The following GRM8 variants were observed in gnomAD, a reference collection of about 807,000 sequenced individuals.
The protein encoded by GRM8 is glutamate metabotropic receptor 8.
In GRM8, 47 loss-of-function variants were observed where a neutral mutation model predicts 87.2. The observed-to-expected ratio is 0.54, with a 90% confidence interval of 0.43 to 0.69. The LOEUF is 0.69. GRM8 is among the 30% of genes least tolerant of loss of function. The probability of loss-of-function intolerance (pLI) is 0.00; values close to 1 mark genes in which losing one functional copy is unlikely to be tolerated. For synonymous variants in GRM8, 396 were observed against 404.5 expected, an observed-to-expected ratio of 0.98 and a Z score of 0.25; for missense variants, 1,019 against 1,139.2, an observed-to-expected ratio of 0.89 and a Z score of 1.52.
Position 126,438,996 on chromosome 7 carries a change from AGACT to A in GRM8, c.*119_*122del. The A allele has an allele frequency of 2.7e-6, 2 of 734,028 alleles. No homozygotes were observed. The highest frequency in any genetic ancestry group is 5.0e-6 in the Non-Finnish European group (2 of 403,372). 45.5% of individuals were successfully genotyped at this position (734,028 alleles called of 1,614,324 possible). A position where few individuals can be genotyped will look rare whatever the true frequency, so the allele number is the denominator to read the frequency against. ...TCATGGCTAATTTTTGTTCCTTACAAGACTGACTATTGATTTGATTGATTGTAGT... is the reference window on the plus strand; with the variant it reads ...TCATGGCTAATTTTTGTTCCTTACAAGACTATTGATTTGATTGATTGTAGT... On this transcript the variant is annotated 3_prime_UTR_variant, in exon 11 of 11. Coordinates refer to ENST00000339582, the MANE Select transcript of GRM8 (RefSeq NM_000845.3).
At chr7:126,923,141 A>T (rs1260528498) in intron 3 of GRM8, among the ~76,000 whole-genome samples, 3 of 152,186 alleles carry the variant, frequency 2.0e-5, no homozygotes, top group African/African-American at 7.2e-5. Flanking sequence ...TCTCTTTAAA[A>T]CATTTCTCCA....
At chr7:126,701,693 A>T in intron 7 of GRM8, 1 of 529,374 alleles carries the variant, frequency 1.9e-6, no homozygotes, top group Admixed American at 2.7e-5. Flanking sequence ...ATTTTTTTTT[A>T]GTTTTAGAAA....
chr7:126,556,243 T>C (rs2150944974), intron 8 of GRM8, among the ~76,000 whole-genome samples: 1 of 151,970 alleles, frequency 6.6e-6, no homozygotes, highest in South Asian at 2.1e-4. Context: ...TATTGTTTTG[T>C]GTTTTTCATA....
intron 3 of GRM8, among the ~76,000 whole-genome samples, chr7:126,922,310 A>G (rs1007992265): frequency 5.3e-5 from 8 of 152,160 alleles, no homozygotes; most frequent in Non-Finnish European, 8.8e-5. Context: ...CCTACTGGAA[A>G]GATTGGAGGA....
chr7:126,629,159 A>T (rs536701764), intron 7 of GRM8, among the ~76,000 whole-genome samples: 1 of 152,188 alleles, frequency 6.6e-6, no homozygotes, highest in Non-Finnish European at 1.5e-5. Flanking sequence ...GAGGTCAATG[A>T]ACCCAGACAA....
chr7:127,098,251 T>C (rs1824871594), intron 3 of GRM8, among the ~76,000 whole-genome samples: 1 of 152,220 alleles, frequency 6.6e-6, no homozygotes, highest in Non-Finnish European at 1.5e-5. Context: ...AATTAAATTG[T>C]TTCCTTTCAT....
intron 6 of GRM8, among the ~76,000 whole-genome samples, chr7:126,824,389 TAAA>T (rs1382536450): frequency 6.6e-6 from 1 of 152,184 alleles, no homozygotes; most frequent in Non-Finnish European, 1.5e-5. Context: ...AACCAATAAA[TAAA>T]ATGTACTGTG....
intron 9 of GRM8, among the ~76,000 whole-genome samples, chr7:126,524,096 A>G (rs1426967224): frequency 2.0e-5 from 3 of 152,166 alleles, no homozygotes; most frequent in African/African-American, 7.2e-5. Context: ...TGGTTTTTAA[A>G]GGATTATGGA....
intron 3 of GRM8, among the ~76,000 whole-genome samples, chr7:126,969,440 C>A (rs978071235): frequency 6.6e-6 from 1 of 152,202 alleles, no homozygotes; most frequent in African/African-American, 2.4e-5. Flanking sequence ...ATGTTCACAG[C>A]ATCTTCACCA....
intron 3 of GRM8, among the ~76,000 whole-genome samples, chr7:127,053,099 C>A (rs2132509138): frequency 6.6e-6 from 1 of 152,240 alleles, no homozygotes; most frequent in Admixed American, 6.5e-5. Flanking sequence ...GACACCATAT[C>A]ACAAGCTTGA....
Position 127,127,677 on chromosome 7 carries a change from G to A in GRM8, c.511-20965C>T, listed in dbSNP as rs17869514. ...GGCACAAGGAAAGTTTTTAGGTGACGGAAAAATGCTATATCTTGATTGTGA... is the reference window on the plus strand; with the variant it reads ...GGCACAAGGAAAGTTTTTAGGTGACAGAAAAATGCTATATCTTGATTGTGA... On this transcript the variant is annotated intron_variant, in intron 2 of 10. Transcript: ENST00000339582. Among the ~76,000 whole-genome samples the A allele has an allele frequency of 2.7e-3, 415 of 151,980 alleles. 4 individuals are homozygous for A. Among genetic ancestry groups the A allele is most frequent in the African/African-American group, 9.2e-3 (381 of 41,484 alleles).
intron 8 of GRM8, among the ~76,000 whole-genome samples, chr7:126,609,145 C>T (rs1798661167): frequency 6.6e-6 from 1 of 152,054 alleles, no homozygotes; most frequent in African/African-American, 2.4e-5. Context: ...GGAAAAAAAT[C>T]AGATCATTCA....
At chr7:126,777,418 C>T (rs748319950) in intron 6 of GRM8, among the ~76,000 whole-genome samples, 5 of 152,222 alleles carry the variant, frequency 3.3e-5, no homozygotes, top group East Asian at 1.9e-4. Context: ...ATCAGGTCTA[C>T]GTGACTCAAA....
intron 2 of GRM8, among the ~76,000 whole-genome samples, chr7:127,195,610 T>G (rs1440913820): frequency 6.6e-6 from 1 of 152,104 alleles, no homozygotes; most frequent in Non-Finnish European, 1.5e-5. Context: ...TTCACCTCCC[T>G]CTCCTGTCAA....
intron 3 of GRM8, among the ~76,000 whole-genome samples, chr7:126,978,212 A>G (rs1337000930): frequency 1.3e-5 from 2 of 151,960 alleles, no homozygotes; most frequent in African/African-American, 4.8e-5. Context: ...GGGGAGGAAA[A>G]GACAGGAGAG....
chr7:127,054,229 T>C (rs532213745), intron 3 of GRM8, among the ~76,000 whole-genome samples: 2 of 152,192 alleles, frequency 1.3e-5, no homozygotes, highest in South Asian at 2.1e-4. Context: ...TTCACTGTTA[T>C]GATGTGCCTC....
chr7:126,856,780 T>C (rs1797725199), intron 6 of GRM8, among the ~76,000 whole-genome samples: 2 of 152,210 alleles, frequency 1.3e-5, no homozygotes, highest in South Asian at 4.1e-4. Flanking sequence ...AAGTTACACA[T>C]TGCTGTTTAA....
In GRM8 at chr7:126,904,593, G is replaced by T. The variant is rs1321638311; in HGVS notation, c.818C>A (p.Pro273His). The T allele has an allele frequency of 6.2e-7, 1 of 1,613,402 alleles. No homozygotes were observed. The highest frequency in any genetic ancestry group is 8.5e-7 in the Non-Finnish European group (1 of 1,179,514). The stretch of plus-strand genomic sequence containing the variant: ...AAACATAATCACTGCTCGAGCATTA[G>T]GTGTTTCTAGCAGGCGTTTGATAAT... The part of the protein sequence containing the change: ...EKIIKRLLET[P>H]NARAVIMFAN... The change falls in exon 4 of 11, where the codon CCT becomes CAT. Residue 273 changes from proline (P) to histidine (H), a missense_variant. Physicochemically the swap from Pro to His is moderately conservative, Grantham distance 77. Transcript: ENST00000339582.
At chr7:126,880,132 G>A (rs559632071) in intron 6 of GRM8, among the ~76,000 whole-genome samples, 3 of 152,206 alleles carry the variant, frequency 2.0e-5, no homozygotes, top group Middle Eastern at 3.4e-3. Context: ...AAACATAAAC[G>A]TGCCTGATAC....
Sources: allele counts gnomAD v4.1 joint callset (sites outside exome capture counted in the v4.1 genomes callset), GRCh38; gene constraint gnomAD v4.1.1; transcripts MANE v1.5; gene names NCBI Gene and HGNC (gene_info 2026-07-23, HGNC 2026-07-21).